Variants in CDKAL1 observed in about 807,000 individuals in gnomAD.
CDKAL1 encodes the protein CDKAL1 threonylcarbamoyladenosine tRNA methylthiotransferase, also known as threonylcarbamoyladenosine tRNA methylthiotransferase.
Under a neutral mutation model 68.2 loss-of-function variants are expected in CDKAL1, and 32 were observed. The observed-to-expected ratio is 0.47, with a 90% CI of 0.35 to 0.63. The LOEUF is 0.63. Among genes scored for constraint, CDKAL1 ranks in the 30% least tolerant of loss-of-function variants. CDKAL1 has a pLI of 0.00. For synonymous variants in CDKAL1, 234 were observed against 244.3 expected (o/e 0.96, Z 0.39); for missense variants, 606 against 696.7 (o/e 0.87, Z 1.47).
At chr6:20,979,959 A>G (rs1010845721) in intron 10 of CDKAL1, among the ~76,000 whole-genome samples, 2 of 151,406 alleles carry the variant, frequency 1.3e-5, no homozygotes, top group East Asian at 2.0e-4. Flanking sequence ...TTTAGTAGAG[A>G]TGGGGTTTCA....
At chr6:20,836,278 A>G (rs182202875) in intron 8 of CDKAL1, among the ~76,000 whole-genome samples, 2 of 152,234 alleles carry the variant, frequency 1.3e-5, no homozygotes, top group East Asian at 3.8e-4. Context: ...TCCAGCCATC[A>G]TATTACCAAA....
Position 20,935,934 on chromosome 6 carries a change from A to AT in CDKAL1, c.743-19479dup, listed in dbSNP as rs1479856313. On this transcript the variant is annotated intron_variant, in intron 9 of 15. Transcript: ENST00000274695. Reference sequence around the variant, plus strand: ...AGAGTGCCAGCCTGCCAGCCATCAGATTTTTTCTTTCCTCGGAGACAAATG... The same window carrying AT: ...AGAGTGCCAGCCTGCCAGCCATCAGATTTTTTTCTTTCCTCGGAGACAAATG... 2.6e-5 allele frequency among the ~76,000 whole-genome samples: 4 copies of AT among 151,926 alleles called. No homozygotes were observed. In the East Asian group the frequency reaches 5.8e-4, roughly 22 times the overall value.
In CDKAL1 at chr6:20,998,645, A is replaced by G. The variant is rs574227841; in HGVS notation, c.910-1582A>G. Among the ~76,000 whole-genome samples, 13 of 151,934 alleles carry G rather than the reference A, an allele frequency of 8.6e-5. No individual in the cohort carries two copies. In the South Asian group the frequency reaches 2.7e-3, roughly 32 times the overall value. On this transcript the variant is annotated intron_variant, in intron 10 of 15. Coordinates refer to ENST00000274695, the MANE Select transcript of CDKAL1 (RefSeq NM_017774.3). ...AAAAAGAAAAAAAAAAAAAGAGCCTACTGAATACCCAGCCCAGAAATGTAA... is the reference window on the plus strand; with the variant it reads ...AAAAAGAAAAAAAAAAAAAGAGCCTGCTGAATACCCAGCCCAGAAATGTAA...
At chr6:20,604,530 C>G (rs532270809) in intron 4 of CDKAL1, among the ~76,000 whole-genome samples, 2 of 152,360 alleles carry the variant, frequency 1.3e-5, no homozygotes, top group African/African-American at 4.8e-5. Flanking sequence ...TGTAGACTCA[C>G]ATAAAACTTT....
At chr6:20,662,842 G>T (rs922540737) in intron 5 of CDKAL1, among the ~76,000 whole-genome samples, 1 of 152,042 alleles carries the variant, frequency 6.6e-6, no homozygotes, top group African/African-American at 2.4e-5. Flanking sequence ...TAGATTTTAA[G>T]AGTTTGAACT....
intron 9 of CDKAL1, among the ~76,000 whole-genome samples, chr6:20,858,884 A>C (rs1033982241): frequency 2.6e-5 from 4 of 152,192 alleles, no homozygotes; most frequent in Non-Finnish European, 5.9e-5. Flanking sequence ...TTATGCCAAA[A>C]TGTTACTTTT....
intron 15 of CDKAL1, among the ~76,000 whole-genome samples, chr6:21,225,878 TG>T (rs1283008994): frequency 6.6e-6 from 1 of 152,240 alleles, no homozygotes; most frequent in Admixed American, 6.5e-5. Flanking sequence ...CAGAATACCA[TG>T]GAATAAGTTA....
intron 9 of CDKAL1, among the ~76,000 whole-genome samples, chr6:20,910,011 T>C (rs1762397617): frequency 6.6e-6 from 1 of 152,244 alleles, no homozygotes; most frequent in South Asian, 2.1e-4. Context: ...ATTCTCATAT[T>C]CTAAATTAGA....
chr6:21,084,720 T>A (rs913414623), intron 12 of CDKAL1, among the ~76,000 whole-genome samples: 1 of 152,186 alleles, frequency 6.6e-6, no homozygotes, highest in Admixed American at 6.5e-5. Context: ...TAAACAAATA[T>A]AAAGAGGTGG....
chr6:21,106,857 G>T (rs4574622), intron 12 of CDKAL1, among the ~76,000 whole-genome samples: 39,135 of 151,468 alleles, frequency 0.26, 5,171 homozygotes, highest in South Asian at 0.36. Flanking sequence ...GTGTTTGTGT[G>T]TGTGCGTAGA....
At chr6:20,590,046 G>T (rs1441530174) in intron 4 of CDKAL1, among the ~76,000 whole-genome samples, 1 of 152,078 alleles carries the variant, frequency 6.6e-6, no homozygotes, top group African/African-American at 2.4e-5. Context: ...AGTAGTAAAT[G>T]AATTTAAATG....
intron 9 of CDKAL1, among the ~76,000 whole-genome samples, chr6:20,890,589 C>T (rs1180622581): frequency 6.6e-6 from 1 of 152,194 alleles, no homozygotes; most frequent in Non-Finnish European, 1.5e-5. Context: ...CTTCTGGTGA[C>T]ATTCCAGGTT....
At position 20,630,068 on chromosome 6, in the gene CDKAL1, C is replaced by T. The variant is rs914648101; in HGVS notation, c.287-19225C>T. 1.6e-4 allele frequency among the ~76,000 whole-genome samples: 25 copies of T among 152,006 alleles called. 1 individual carries two copies. The highest frequency in any genetic ancestry group is 1.5e-3 in the Admixed American group (23 of 15,256). On this transcript the variant is annotated intron_variant, in intron 4 of 15. Coordinates refer to ENST00000274695, the MANE Select transcript of CDKAL1 (RefSeq NM_017774.3). ...TTTGTATTTTTAGATAGAGTTTCAC[C>T]ATGTTGGCCATGCTGGTCTCAAACT...
intron 11 of CDKAL1, among the ~76,000 whole-genome samples, chr6:21,017,236 C>G (rs1371298173): frequency 6.6e-6 from 1 of 152,026 alleles, no homozygotes; most frequent in Middle Eastern, 3.2e-3. Context: ...TTTTCAGTGC[C>G]TGGAACAAAC....
chr6:21,113,528 G>C (rs1265660626), intron 13 of CDKAL1, among the ~76,000 whole-genome samples: 2 of 152,018 alleles, frequency 1.3e-5, no homozygotes, highest in Non-Finnish European at 2.9e-5. Context: ...TTGAGATGGA[G>C]TTTCACTCTT....
At chr6:21,106,242 A>C (rs1041105020) in intron 12 of CDKAL1, among the ~76,000 whole-genome samples, 1 of 152,374 alleles carries the variant, frequency 6.6e-6, no homozygotes, top group East Asian at 1.9e-4. Context: ...AGATGTCAAA[A>C]ACTTTGAAAA....
At chr6:21,139,525 T>C (rs1775795031) in intron 13 of CDKAL1, among the ~76,000 whole-genome samples, 1 of 152,208 alleles carries the variant, frequency 6.6e-6, no homozygotes, top group Non-Finnish European at 1.5e-5. Flanking sequence ...TTGCCTTTTT[T>C]TCCCCTTGAA....
intron 12 of CDKAL1, among the ~76,000 whole-genome samples, chr6:21,070,918 C>CG (rs1771738797): frequency 6.6e-6 from 1 of 152,148 alleles, no homozygotes; most frequent in Non-Finnish European, 1.5e-5. Flanking sequence ...CCACCCTAGA[C>CG]CTGTTCAGTC....
rs115670358 is a variant in CDKAL1, at chr6:20,865,259, G to A, written c.742+19081G>A. On this transcript the variant is annotated intron_variant, in intron 9 of 15. Transcript: ENST00000274695. ...GGGAAAATGTTGGGCTTAAATACTTGGTATTGCAAATGCATTTGTTGCTAT... is the reference window on the plus strand; with the variant it reads ...GGGAAAATGTTGGGCTTAAATACTTAGTATTGCAAATGCATTTGTTGCTAT... Among the ~76,000 whole-genome samples, 797 of 152,184 alleles carry A rather than the reference G, an allele frequency of 5.2e-3. 3 individuals are homozygous for A. Among genetic ancestry groups the A allele is most frequent in the Non-Finnish European group, 8.7e-3 (594 of 67,978 alleles).
Sources: allele counts gnomAD v4.1 joint callset (sites outside exome capture counted in the v4.1 genomes callset), GRCh38; gene constraint gnomAD v4.1.1; transcripts MANE v1.5; gene names NCBI Gene and HGNC (gene_info 2026-07-23, HGNC 2026-07-21).